The following ZNF770 variants were observed in gnomAD, a reference collection of about 807,000 sequenced individuals.
The protein encoded by ZNF770 is zinc finger protein 770.
A neutral mutation model predicts 44.8 loss-of-function variants in ZNF770; 13 were observed. That is an observed-to-expected ratio of 0.29 (90% confidence interval 0.19 to 0.46). The LOEUF is 0.46. Ranked by LOEUF, ZNF770 falls within the 20% of genes least tolerant of loss-of-function variation. The pLI, the probability that ZNF770 is intolerant of heterozygous loss-of-function variation, is 1.00. For synonymous variants in ZNF770, 304 were observed against 271.8 expected, an observed-to-expected ratio of 1.12 and a Z score of -1.17; for missense variants, 681 against 797.9, an observed-to-expected ratio of 0.85 and a Z score of 1.77.
Position 34,980,004 on chromosome 15 carries a change from C to A in ZNF770, c.*1355G>T. On this transcript the variant is annotated 3_prime_UTR_variant, in exon 3 of 3. Coordinates refer to ENST00000356321, the MANE Select transcript of ZNF770 (RefSeq NM_014106.4). ...CTTATCCCTCTACAGGAATGACTAC[C>A]TTATTAATTAAAATAAAAATTTAAC... The A allele has an allele frequency of 6.4e-6, 1 of 156,214 alleles. No homozygotes were observed. 9.7% of individuals were successfully genotyped at this position (156,214 alleles called of 1,614,324 possible). A position where few individuals can be genotyped will look rare whatever the true frequency, so the allele number is the denominator to read the frequency against.
Position 34,979,461 on chromosome 15 carries a change from C to T in ZNF770, c.*1898G>A. ...CTGGAGGAACATATCTCAAGGAAAC[C>T]TAAGAGAAAGTGTTCTTTAAAGCAT... On this transcript the variant is annotated 3_prime_UTR_variant, in exon 3 of 3. Transcript: ENST00000356321. The T allele has an allele frequency of 3.8e-6, 1 of 264,608 alleles. No homozygotes were observed. Among genetic ancestry groups the T allele is most frequent in the South Asian group, 3.2e-5 (1 of 30,928 alleles). 16.4% of individuals were successfully genotyped at this position (264,608 alleles called of 1,614,324 possible).
chr15:34,983,405 T>C lies in ZNF770; in HGVS notation c.30A>G (p.Leu10=), dbSNP rs368088021. 6 of 1,566,554 alleles carry C rather than the reference T, an allele frequency of 3.8e-6. No individual in the cohort carries two copies. The highest frequency in any genetic ancestry group is 1.2e-5 in the South Asian group (1 of 83,898). The change falls in exon 3 of 3, where the codon CTA becomes CTG. Residue 10 remains leucine (L), a synonymous_variant. Transcript: ENST00000356321. MMAENNLKM[L]KIQQCVVANK... Reference sequence around the variant, plus strand: ...TGGCTACCACACACTGTTGAATCTTTAGCATTTTTAAATTGTTTTCAGCCA... The same window carrying C: ...TGGCTACCACACACTGTTGAATCTTCAGCATTTTTAAATTGTTTTCAGCCA...
chr15:34,979,629 A>C lies in ZNF770; in HGVS notation c.*1730T>G, dbSNP rs202217790. On this transcript the variant is annotated 3_prime_UTR_variant, in exon 3 of 3. Coordinates refer to ENST00000356321, the MANE Select transcript of ZNF770 (RefSeq NM_014106.4). ...ACTTAAAAATCACCTGTGGTAAAAG[A>C]AGCAAGCAGATCACCCCCACCTACT... The C allele has an allele frequency of 1.0e-4, 47 of 451,558 alleles. No homozygotes were observed. The Middle Eastern group carries it at 1.6e-3, about 16-fold the overall frequency. The allele number at this position is 451,558 out of a possible 1,614,324, so 28.0% of individuals were successfully genotyped here.
chr15:34,981,608 A>T lies in ZNF770; in HGVS notation c.1827T>A (p.Pro609=). The T allele has an allele frequency of 6.2e-7, 1 of 1,614,170 alleles. No homozygotes were observed. Among genetic ancestry groups the T allele is most frequent in the Non-Finnish European group, 8.5e-7 (1 of 1,180,028 alleles). Reference sequence around the variant, plus strand: ...CCTGATGCTCTGAATAACTGCAAAAAGGATTGCTTTGCTCTGATTCCAAAA... The same window carrying T: ...CCTGATGCTCTGAATAACTGCAAAATGGATTGCTTTGCTCTGATTCCAAAA... The part of the protein sequence containing the change: ...NVLLESEQSN[P]FCSYSEHQEK... Residue 609 remains proline (P), a synonymous_variant, in exon 3 of 3, where the codon CCT becomes CCA. Coordinates refer to ENST00000356321, the MANE Select transcript of ZNF770 (RefSeq NM_014106.4).
At position 34,982,373 on chromosome 15, in the gene ZNF770, A is replaced by C; in HGVS notation, c.1062T>G (p.Phe354Leu). 1 of 1,608,648 alleles carries C rather than the reference A, an allele frequency of 6.2e-7. No homozygotes were observed. The highest frequency in any genetic ancestry group is 8.5e-7 in the Non-Finnish European group (1 of 1,178,194). The change falls in exon 3 of 3, where the codon TTT becomes TTG. Residue 354 changes from phenylalanine to leucine, a missense_variant. By Grantham distance (22) the Phe-to-Leu change is conservative. Transcript: ENST00000356321. The part of the protein sequence containing the change: ...KRARSKKLDN[F>L]QSEKKVFKKS... ...TTTTAAATACTTTTTTCTCAGATTGAAAGTTATCTAATTTTTTACTCCTAG... is the reference window on the plus strand; with the variant it reads ...TTTTAAATACTTTTTTCTCAGATTGCAAGTTATCTAATTTTTTACTCCTAG...
chr15:34,987,825 G>A (rs188173786), intron 1 of ZNF770, among the ~76,000 whole-genome samples, 152 bp from the exon 2 acceptor site: 1 of 152,052 alleles, frequency 6.6e-6, no homozygotes, highest in African/African-American at 2.4e-5. Flanking sequence ...CACAGTCCTC[G>A]TTCTAAAGGC....
At position 34,987,629 on chromosome 15, in the gene ZNF770, C is replaced by T. The variant is rs2050443712; in HGVS notation, c.-129G>A. ...CTTGTCTTGACTAGTACCATTAAAA[C>T]GATGTGAGGATTTCACGAAAGTAAG... On this transcript the variant is annotated 5_prime_UTR_variant, in exon 2 of 3. Transcript: ENST00000356321. 6.6e-6 allele frequency: 1 copy of T among 152,232 alleles called. No homozygotes were observed. Among genetic ancestry groups the T allele is most frequent in the South Asian group, 2.1e-4 (1 of 4,834 alleles). 9.4% of individuals were successfully genotyped at this position (152,232 alleles called of 1,614,324 possible).
intron 2 of ZNF770, among the ~76,000 whole-genome samples, chr15:34,986,007 G>A (rs191510706): frequency 5.9e-5 from 9 of 151,760 alleles, no homozygotes; most frequent in African/African-American, 1.5e-4. Context: ...ACTTCTGTAG[G>A]AAGAAGTAAA....
chr15:34,982,890 T>C lies in ZNF770; in HGVS notation c.545A>G (p.His182Arg). ...QSKLDRHVLI[H>R]TGQRPFKCVL... ...ACATTTAAAAGGCCTCTGACCAGTA[T>C]GAATAAGTACATGCCTATCAAGTTT... Residue 182 changes from histidine to arginine, a missense_variant, in exon 3 of 3, where the codon CAT (histidine) becomes CGT (arginine). His to Arg is a conservative substitution (Grantham distance 29). Around this residue, in one of 5 missense-constraint regions of ZNF770, gnomAD observed 432 missense variants for 434.1 expected, o/e 1.00. Transcript: ENST00000356321. The C allele has an allele frequency of 4.3e-6, 7 of 1,614,064 alleles. No homozygotes were observed. Among genetic ancestry groups the C allele is most frequent in the Non-Finnish European group, 5.9e-6 (7 of 1,179,972 alleles).
Position 34,982,742 on chromosome 15 carries a change from A to C in ZNF770, c.693T>G (p.Leu231=). ...TAGTATGGATTTGTTTATGCTTCAG[A>C]AGTTTGCTTTGAATCTTAAATCCTT... ...CQKGFKIQSK[L]LKHKQIHTRN... The change falls in exon 3 of 3, where the codon CTT becomes CTG. Residue 231 remains leucine, a synonymous_variant. Transcript: ENST00000356321. The C allele has an allele frequency of 6.2e-7, 1 of 1,613,930 alleles. No individual in the cohort carries two copies.
At position 34,982,210 on chromosome 15, in the gene ZNF770, G is replaced by A. The variant is rs767166979; in HGVS notation, c.1225C>T (p.Pro409Ser). The change falls in exon 3 of 3, where the codon CCA (proline) becomes TCA (serine). Residue 409 changes from proline to serine, a missense_variant. This residue lies in a region of ZNF770 where 432 missense variants were observed against 434.1 expected (regional missense o/e 1.00). Transcript: ENST00000356321. The stretch of plus-strand genomic sequence containing the variant: ...TTTCCCATATTTTGCCAAGAAAATG[G>A]CAAAGTCAATGTTTTCTTCTTTCTA... ...GNRKKKTLTL[P>S]FSWQNMGKNL... 22 of 1,613,032 alleles carry A rather than the reference G, an allele frequency of 1.4e-5. No homozygotes were observed. The highest frequency in any genetic ancestry group is 1.8e-5 in the Non-Finnish European group (21 of 1,179,798).
chr15:34,983,632 A>C (rs1210166202), intron 2 of ZNF770, 142 bp from the exon 3 acceptor site: 1 of 371,688 alleles, frequency 2.7e-6, no homozygotes, highest in East Asian at 4.2e-5. Flanking sequence ...CATTTTAAGT[A>C]ATACTTTAGA....
Position 34,986,487 on chromosome 15 carries a change from G to A in ZNF770, c.-57+1070C>T, listed in dbSNP as rs189834028. On this transcript the variant is annotated intron_variant, in intron 2 of 2. Coordinates refer to ENST00000356321, the MANE Select transcript of ZNF770 (RefSeq NM_014106.4). Reference sequence around the variant, plus strand: ...ATTAAAATTAAGTCATGAATCCAGTGAACTGCAAAGAACTTGGCAGCAATT... The same window carrying A: ...ATTAAAATTAAGTCATGAATCCAGTAAACTGCAAAGAACTTGGCAGCAATT... Among the ~76,000 whole-genome samples, 13 of 152,342 alleles carry A rather than the reference G, an allele frequency of 8.5e-5. No individual in the cohort carries two copies. In the East Asian group the frequency reaches 2.1e-3, roughly 25 times the overall value.
intron 2 of ZNF770, among the ~76,000 whole-genome samples, chr15:34,983,767 C>T (rs1389705539): frequency 6.6e-6 from 1 of 152,030 alleles, no homozygotes; most frequent in Admixed American, 6.5e-5. Context: ...GGCTGAATTT[C>T]TTAACATGAA....
chr15:34,981,847 G>C lies in ZNF770; in HGVS notation c.1588C>G (p.Pro530Ala), dbSNP rs1236969604. ...RHEQTHNEKS[P>A]YASLCQVEFG... ...TCTACTTGGCAAAGAGATGCATAAG[G>C]ACTCTTTTCATTATGAGTCTGTTCA... Residue 530 changes from proline to alanine, a missense_variant, in exon 3 of 3, where the codon CCT becomes GCT. Around this residue, in one of 5 missense-constraint regions of ZNF770, gnomAD observed 148 missense variants for 191.0 expected, o/e 0.77. Coordinates refer to ENST00000356321, the MANE Select transcript of ZNF770 (RefSeq NM_014106.4). 3 of 1,613,722 alleles carry C rather than the reference G, an allele frequency of 1.9e-6. No homozygotes were observed. The highest frequency in any genetic ancestry group is 2.5e-6 in the Non-Finnish European group (3 of 1,180,010).
Position 34,983,398 on chromosome 15 carries a change from G to C in ZNF770, c.37C>G (p.Gln13Glu), listed in dbSNP as rs751386157. Residue 13 changes from glutamine to glutamate, a missense_variant, in exon 3 of 3, where the codon CAA becomes GAA. Physicochemically the swap from Gln to Glu is conservative, Grantham distance 29. Around this residue, in one of 5 missense-constraint regions of ZNF770, gnomAD observed 65 missense variants for 115.0 expected, o/e 0.57. Coordinates refer to ENST00000356321, the MANE Select transcript of ZNF770 (RefSeq NM_014106.4). ...AGTTTGTTGGCTACCACACACTGTTGAATCTTTAGCATTTTTAAATTGTTT... is the reference window on the plus strand; with the variant it reads ...AGTTTGTTGGCTACCACACACTGTTCAATCTTTAGCATTTTTAAATTGTTT... ...AENNLKMLKIQQCVVANKLPR... is the reference protein window; with the variant it reads ...AENNLKMLKIEQCVVANKLPR... The C allele has an allele frequency of 6.3e-7, 1 of 1,575,762 alleles. No individual in the cohort carries two copies. Among genetic ancestry groups the C allele is most frequent in the Non-Finnish European group, 8.6e-7 (1 of 1,158,770 alleles).
intron 2 of ZNF770, among the ~76,000 whole-genome samples, chr15:34,987,135 A>T (rs1482662904): frequency 1.3e-5 from 2 of 152,384 alleles, no homozygotes; most frequent in East Asian, 3.9e-4. Context: ...AAAAAATCAC[A>T]CACCACAACT....
In ZNF770 at chr15:34,982,192, T is replaced by A. The variant is rs577788908; in HGVS notation, c.1243A>T (p.Met415Leu). ...TLTLPFSWQN[M>L]GKNLKGILTT... is the part of the protein sequence containing the mutation. ...AGGATGCCTTTCAAATTTTTTCCCA[T>A]ATTTTGCCAAGAAAATGGCAAAGTC... The change falls in exon 3 of 3, where the codon ATG becomes TTG. Residue 415 changes from methionine to leucine, a missense_variant. Around this residue, in one of 5 missense-constraint regions of ZNF770, gnomAD observed 432 missense variants for 434.1 expected, o/e 1.00. Transcript: ENST00000356321. The A allele has an allele frequency of 6.2e-7, 1 of 1,612,974 alleles. No individual in the cohort carries two copies. The highest frequency in any genetic ancestry group is 1.7e-5 in the Admixed American group (1 of 59,792).
In ZNF770 at chr15:34,981,195, T is replaced by G. The variant is rs1179885063; in HGVS notation, c.*164A>C. 3 of 678,052 alleles carry G rather than the reference T, an allele frequency of 4.4e-6. No individual in the cohort carries two copies. The Admixed American group carries it at 1.0e-4, about 23-fold the overall frequency. The allele number at this position is 678,052 out of a possible 1,614,324, so 42.0% of individuals were successfully genotyped here. On this transcript the variant is annotated 3_prime_UTR_variant, in exon 3 of 3. Coordinates refer to ENST00000356321, the MANE Select transcript of ZNF770 (RefSeq NM_014106.4). ...ATTAACTTGGCTGTTTCTAAAACAT[T>G]GTATTAATTTTCTATGTATTCTACC... is the stretch of plus-strand genomic sequence containing the variant.
Sources: gnomAD v4.1 joint callset for allele counts (sites outside exome capture counted in the v4.1 genomes callset) on GRCh38, gnomAD v4.1.1 for gene constraint, gnomAD v4.1.1 regional missense constraint, MANE v1.5 for transcripts, NCBI Gene and HGNC (gene_info 2026-07-23, HGNC 2026-07-21) for gene names.